The following SLC16A5 variants were observed in gnomAD, a reference collection of about 807,000 sequenced individuals.
The protein encoded by SLC16A5 is solute carrier family 16 member 5.
In SLC16A5, 29 loss-of-function variants were observed where a neutral mutation model predicts 33.2. That is an observed-to-expected ratio of 0.87 (90% CI 0.65 to 1.19). SLC16A5 has a LOEUF of 1.19. Among genes scored for constraint, SLC16A5 ranks in the 50% most tolerant of loss-of-function variants. The pLI is 0.00. For missense variants in SLC16A5, 606 were observed against 678.2 expected (o/e 0.89, Z 1.18); for synonymous variants, 248 against 284.1 (o/e 0.87, Z 1.28).
At chr17:75,092,857 GTGTTT>G (rs1303034633) in intron 2 of SLC16A5, among the ~76,000 whole-genome samples, 34 of 145,354 alleles carry the variant, frequency 2.3e-4, no homozygotes, top group Non-Finnish European at 4.8e-4. Context: ...GTGTGTGTGT[GTGTTT>G]ATTATTCAGT....
At chr17:75,088,218 G>A (rs1010878509) in intron 1 of SLC16A5, among the ~76,000 whole-genome samples, 174 bp downstream of exon 1, 5 of 152,236 alleles carry the variant, frequency 3.3e-5, no homozygotes, top group Non-Finnish European at 5.9e-5. Context: ...CTGCCCCGGG[G>A]CCTGGGGTGA....
chr17:75,093,062 C>G (rs1329914307), intron 2 of SLC16A5, among the ~76,000 whole-genome samples: 2 of 152,064 alleles, frequency 1.3e-5, no homozygotes, highest in Non-Finnish European at 2.9e-5. Flanking sequence ...TAGCACCGGC[C>G]TGCTCACTCA....
At position 75,100,738 on chromosome 17, in the gene SLC16A5, A is replaced by G. The variant is rs138922323; in HGVS notation, c.1075A>G (p.Met359Val). 8 of 1,613,910 alleles carry G rather than the reference A, an allele frequency of 5.0e-6. No individual in the cohort carries two copies. The African/African-American group carries it at 9.3e-5, about 19-fold the overall frequency. The change falls in exon 5 of 7, where the codon ATG becomes GTG. Residue 359 changes from methionine to valine, a missense_variant. Coordinates refer to ENST00000329783, the MANE Select transcript of SLC16A5 (RefSeq NM_004695.4). Reference sequence around the variant, plus strand: ...CCAGGTTCTCATGGACATCGTCCCCATGGATCAGTTCCCCAGAGCCCTGGG... The same window carrying G: ...CCAGGTTCTCATGGACATCGTCCCCGTGGATCAGTTCCCCAGAGCCCTGGG... ...IFQVLMDIVP[M>V]DQFPRALGLF...
At chr17:75,109,242 C>T (rs975855507), downstream of SLC16A5, among the ~76,000 whole-genome samples, 3 of 152,214 alleles carry the variant, frequency 2.0e-5, no homozygotes, top group African/African-American at 7.2e-5. The surrounding 1 kb of genome is among the most constrained non-coding windows in gnomAD (Gnocchi z 5.0). Flanking sequence ...CGTGCTGCCC[C>T]GGGCGCGCGC....
chr17:75,105,518 CCCCGTA>C, intron 6 of SLC16A5: 1 of 985,382 alleles, frequency 1.0e-6, no homozygotes, highest in Non-Finnish European at 1.2e-6. Flanking sequence ...CACCCCTGCT[CCCCGTA>C]CACCTGTGCC....
intron 2 of SLC16A5, 53 bp from the exon 3 acceptor site, chr17:75,093,536 A>G (rs373843089): frequency 4.5e-6 from 7 of 1,540,254 alleles, no homozygotes; most frequent in Middle Eastern, 1.7e-4. Context: ...CAGGTGGGCC[A>G]GGAGAGACGG....
chr17:75,104,194 G>A lies in SLC16A5; in HGVS notation c.1364+14G>A, dbSNP rs757584751. ...CCCTGAGATCATGTATGTAACCAGC[G>A]TCTAAGACCCAGGGTTCATCTGTGT... On this transcript the variant is annotated intron_variant, in intron 6 of 6. Transcript: ENST00000329783. The A allele has an allele frequency of 1.2e-5, 20 of 1,613,044 alleles. No individual in the cohort carries two copies. The highest frequency in any genetic ancestry group is 2.2e-5 in the East Asian group (1 of 44,858).
chr17:75,100,381 G>T lies in SLC16A5; in HGVS notation c.718G>T (p.Val240Leu), dbSNP rs201077653. Residue 240 changes from valine to leucine, a missense_variant, in exon 5 of 7, where the codon GTG becomes TTG. Coordinates refer to ENST00000329783, the MANE Select transcript of SLC16A5 (RefSeq NM_004695.4). ...CCTGCGGCACAACACAGGCTACTGC[G>T]TGTACATACTGGGTGTGATGTGGTC... is the stretch of plus-strand genomic sequence containing the variant. The part of the protein sequence containing the change: ...DILRHNTGYC[V>L]YILGVMWSVL... 11 of 1,614,094 alleles carry T rather than the reference G, an allele frequency of 6.8e-6. No homozygotes were observed. In the East Asian group the frequency reaches 1.1e-4, roughly 16 times the overall value.
At chr17:75,105,449 C>T (rs2073851223) in intron 6 of SLC16A5, 2 of 985,266 alleles carry the variant, frequency 2.0e-6, no homozygotes, top group African/African-American at 3.5e-5. Context: ...CCTCCAGAGG[C>T]CCCCCTTTTC....
chr17:75,099,106 G>A (rs2073756657), intron 4 of SLC16A5, among the ~76,000 whole-genome samples: 2 of 152,210 alleles, frequency 1.3e-5, no homozygotes, highest in African/African-American at 4.8e-5. Context: ...GGGGAGCGGG[G>A]AAGGCCCCTC....
rs771970909 is a variant in SLC16A5, at chr17:75,100,222, G to A, written c.559G>A (p.Ala187Thr). The change falls in exon 5 of 7, where the codon GCC becomes ACC. Residue 187 changes from alanine (A) to threonine (T), a missense_variant. Ala to Thr is a moderately conservative substitution (Grantham distance 58). Transcript: ENST00000329783. ...CTTTCTCCACTGCTGCATCTGCGGG[G>A]CCATCATAAGGCCTGTGGCCACCAG... ...GIFLHCCICGAIIRPVATSVA... is the reference protein window; with the variant it reads ...GIFLHCCICGTIIRPVATSVA... 3.1e-6 allele frequency: 5 copies of A among 1,614,100 alleles called. No individual in the cohort carries two copies. Among genetic ancestry groups the A allele is most frequent in the South Asian group, 1.1e-5 (1 of 91,090 alleles).
intron 2 of SLC16A5, among the ~76,000 whole-genome samples, chr17:75,091,692 G>A (rs953034147): frequency 7.9e-5 from 12 of 152,202 alleles, no homozygotes; most frequent in African/African-American, 2.9e-4. Flanking sequence ...GTAGATGTCC[G>A]AGTTTCCCCA....
intron 2 of SLC16A5, 65 bp downstream of exon 2, chr17:75,089,369 T>G (rs1021345696): frequency 6.6e-6 from 1 of 152,218 alleles, no homozygotes; most frequent in African/African-American, 2.4e-5. Flanking sequence ...ATGAACAGGT[T>G]CTTGCTTATA....
At chr17:75,108,844 G>A (rs932462094), downstream of SLC16A5, among the ~76,000 whole-genome samples, 8 of 152,180 alleles carry the variant, frequency 5.3e-5, no homozygotes, top group African/African-American at 1.9e-4. Context: ...AGGTTGTGAC[G>A]CCCTTTGTGC....
chr17:75,098,270 C>T, intron 4 of SLC16A5, 89 bp downstream of exon 4: 1 of 1,534,278 alleles, frequency 6.5e-7, no homozygotes, highest in Non-Finnish European at 8.9e-7. Flanking sequence ...TCTTAATCTT[C>T]TGGAACTGCT....
intron 6 of SLC16A5, chr17:75,104,801 C>CT (rs2073843248): frequency 3.0e-6 from 3 of 985,392 alleles, no homozygotes; most frequent in Middle Eastern, 5.2e-4. Context: ...GCCCTCCGGA[C>CT]TTTTTTCCTT....
intron 2 of SLC16A5, chr17:75,093,308 C>A: frequency 1.9e-6 from 2 of 1,058,326 alleles, no homozygotes; most frequent in South Asian, 1.4e-5. Context: ...TACCCCATTG[C>A]CTGGTGCCAC....
intron 3 of SLC16A5, among the ~76,000 whole-genome samples, chr17:75,095,939 G>A (rs1184510836): frequency 2.6e-5 from 4 of 151,774 alleles, no homozygotes; most frequent in African/African-American, 9.7e-5. Flanking sequence ...GATTACAGGT[G>A]TGAGCCACCA....
intron 1 of SLC16A5, chr17:75,088,834 C>T (rs1451927666): frequency 6.6e-6 from 1 of 152,198 alleles, no homozygotes; most frequent in African/African-American, 2.4e-5. Flanking sequence ...GCTCCAGGGG[C>T]AGGGAAAGGA....
Sources: allele counts gnomAD v4.1 joint callset (sites outside exome capture counted in the v4.1 genomes callset), GRCh38; gene constraint gnomAD v4.1.1; non-coding constraint Gnocchi (gnomAD v3.1); transcripts MANE v1.5; gene names NCBI Gene and HGNC (gene_info 2026-07-23, HGNC 2026-07-21).